Variants in BLTP1 observed in about 807,000 individuals in gnomAD.
BLTP1 encodes bridge-like lipid transfer protein family member 1.
chr4:122,234,613 T>TA, the BLTP1 span: 2 of 410,968 alleles, frequency 4.9e-6, no homozygotes, highest in African/African-American at 2.2e-5. Context: ...GCAAATGATT[T>TA]AAAAAAACAC....
At chr4:122,222,701 C>T in the BLTP1 span, among the ~76,000 whole-genome samples, 3 of 152,024 alleles carry the variant, frequency 2.0e-5, no homozygotes, top group Non-Finnish European at 4.4e-5. Context: ...CTGCATGTCC[C>T]ACTTTTTCTC....
the BLTP1 span, chr4:122,244,074 A>C: frequency 6.7e-7 from 1 of 1,503,602 alleles, no homozygotes; most frequent in Non-Finnish European, 8.9e-7. Flanking sequence ...TACAATGATT[A>C]CTCTGTGATA....
the BLTP1 span, chr4:122,336,807 T>C: frequency 6.9e-7 from 1 of 1,459,148 alleles, no homozygotes; most frequent in Non-Finnish European, 9.2e-7. Context: ...CACTCTAGTA[T>C]AAACAATAAG....
the BLTP1 span, chr4:122,245,177 A>G: frequency 5.9e-6 from 9 of 1,530,868 alleles, no homozygotes; most frequent in Non-Finnish European, 8.1e-6. Context: ...TAGCAAATTG[A>G]ATATTTATCA....
the BLTP1 span, among the ~76,000 whole-genome samples, chr4:122,272,714 C>T: frequency 9.2e-5 from 14 of 151,772 alleles, 1 homozygote; most frequent in Non-Finnish European, 4.4e-5. Flanking sequence ...AACATTTTAC[C>T]AAAATAATGA....
the BLTP1 span, chr4:122,300,925 A>G: frequency 1.0e-6 from 1 of 984,678 alleles, no homozygotes; most frequent in African/African-American, 1.7e-5. Context: ...AGGCAAAAAA[A>G]AAAAAAAATG....
the BLTP1 span, chr4:122,201,916 G>T: frequency 3.1e-6 from 3 of 978,750 alleles, no homozygotes; most frequent in African/African-American, 5.3e-5. Flanking sequence ...AGGTGTAGTG[G>T]TGTTTAAGGC....
chr4:122,199,787 T>C, the BLTP1 span: 1 of 356,068 alleles, frequency 2.8e-6, no homozygotes. Flanking sequence ...TAATATATGT[T>C]TTCTAGCCCC....
At chr4:122,356,856 T>C in the BLTP1 span, 8 of 1,487,680 alleles carry the variant, frequency 5.4e-6, no homozygotes, top group Non-Finnish European at 7.1e-6. Context: ...GTGGAATATA[T>C]CTCCCGTGAG....
the BLTP1 span, chr4:122,231,787 C>G: frequency 2.1e-6 from 2 of 970,696 alleles, no homozygotes; most frequent in African/African-American, 3.5e-5. Context: ...CTCTGTTTAA[C>G]AAAATGTTTA....
At chr4:122,227,139 T>C in the BLTP1 span, 20 of 925,442 alleles carry the variant, frequency 2.2e-5, no homozygotes, top group Non-Finnish European at 2.6e-5. Flanking sequence ...TGGCTATATA[T>C]TTATGTAGAA....
chr4:122,331,591 A>G, the BLTP1 span: 2 of 1,559,802 alleles, frequency 1.3e-6, no homozygotes, highest in Admixed American at 1.8e-5. Flanking sequence ...TATTAGAAAT[A>G]CTATTCATAT....
chr4:122,207,186 C>A, the BLTP1 span: 1 of 1,611,650 alleles, frequency 6.2e-7, no homozygotes, highest in South Asian at 1.1e-5. Flanking sequence ...ATTTTAAAAT[C>A]ATGTTTCATC....
the BLTP1 span, chr4:122,200,545 C>T: frequency 2.1e-6 from 2 of 958,724 alleles, no homozygotes; most frequent in Non-Finnish European, 2.4e-6. Flanking sequence ...TGTCACTGCA[C>T]TCCAGCTTGG....
the BLTP1 span, among the ~76,000 whole-genome samples, chr4:122,340,288 C>T: frequency 6.6e-6 from 1 of 151,988 alleles, no homozygotes; most frequent in Non-Finnish European, 1.5e-5. Flanking sequence ...TCAATAATGG[C>T]AAGGCTGAGA....
At chr4:122,176,071 GC>G in the BLTP1 span, among the ~76,000 whole-genome samples, 1 of 152,082 alleles carries the variant, frequency 6.6e-6, no homozygotes, top group Non-Finnish European at 1.5e-5. Flanking sequence ...GGAGGCTGAG[GC>G]AGGTGGATCA....
the BLTP1 span, among the ~76,000 whole-genome samples, chr4:122,308,480 G>A: frequency 8.6e-5 from 13 of 152,018 alleles, no homozygotes; most frequent in African/African-American, 1.4e-4. Context: ...TTTTAACAAG[G>A]AAGTCATTGG....
chr4:122,183,329 C>T, the BLTP1 span: 1 of 729,746 alleles, frequency 1.4e-6, no homozygotes, highest in African/African-American at 2.7e-5. Context: ...GAGCGAGACC[C>T]TGTCTCAAAA....
chr4:122,171,989 C>G, the BLTP1 span: 1 of 905,302 alleles, frequency 1.1e-6, no homozygotes, highest in African/African-American at 1.8e-5. Context: ...ACTGTTGACA[C>G]AGTGATTTAT....
Sources: gnomAD v4.1 joint callset for allele counts (sites outside exome capture counted in the v4.1 genomes callset) on GRCh38, gnomAD v4.1.1 for gene constraint, MANE v1.5 for transcripts, NCBI Gene and HGNC (gene_info 2026-07-23, HGNC 2026-07-21) for gene names.